The following ECM2 variants were observed in gnomAD, a reference collection of about 807,000 sequenced individuals.
The protein encoded by ECM2 is extracellular matrix protein 2, also known as extracellular matrix protein 2, female organ and adipocyte specific.
Under a neutral mutation model 67.5 loss-of-function variants are expected in ECM2, and 57 were observed. That is an observed-to-expected ratio of 0.84 (90% CI 0.68 to 1.05). The LOEUF is 1.05. ECM2 is among the 50% of genes least tolerant of loss of function. The probability of loss-of-function intolerance (pLI) is 0.00; values close to 1 mark genes in which losing one functional copy is unlikely to be tolerated. For synonymous variants in ECM2, 258 were observed against 294.5 expected (o/e 0.88, Z 1.27); for missense variants, 741 against 822.8 (o/e 0.90, Z 1.22).
At chr9:92,514,186 T>A (rs1847536230) in intron 4 of ECM2, among the ~76,000 whole-genome samples, 1 of 150,740 alleles carries the variant, frequency 6.6e-6, no homozygotes, top group East Asian at 2.0e-4. Flanking sequence ...AGTCTGAAAC[T>A]ACTGGGCTGA....
intron 3 of ECM2, among the ~76,000 whole-genome samples, chr9:92,516,497 A>T (rs183562152): frequency 7.3e-4 from 111 of 152,378 alleles, no homozygotes; most frequent in African/African-American, 2.6e-3. Context: ...TACTTGAGAT[A>T]TCAATTCAGT....
chr9:92,530,935 G>A (rs1848711900), intron 1 of ECM2, among the ~76,000 whole-genome samples: 1 of 151,996 alleles, frequency 6.6e-6, no homozygotes, highest in South Asian at 2.1e-4. Flanking sequence ...GAGAACATGT[G>A]GTCTTTGGTT....
chr9:92,511,881 G>T (rs896701733), intron 5 of ECM2, 130 bp downstream of exon 5: 3 of 612,474 alleles, frequency 4.9e-6, no homozygotes, highest in Non-Finnish European at 5.6e-6. Context: ...AGGGACATCA[G>T]AGAGGAAACT....
intron 7 of ECM2, among the ~76,000 whole-genome samples, chr9:92,504,426 A>C (rs898841907): frequency 7.2e-5 from 11 of 152,164 alleles, no homozygotes; most frequent in Non-Finnish European, 1.6e-4. Context: ...TTCTGGCTGG[A>C]TGATCATGTG....
chr9:92,498,720 A>G (rs1846500786), intron 9 of ECM2, among the ~76,000 whole-genome samples: 1 of 152,148 alleles, frequency 6.6e-6, no homozygotes, highest in African/African-American at 2.4e-5. Context: ...GCTACCAAAA[A>G]ATAATAAACT....
chr9:92,497,333 G>C (rs936759460), intron 9 of ECM2, among the ~76,000 whole-genome samples: 5 of 150,600 alleles, frequency 3.3e-5, no homozygotes, highest in African/African-American at 1.2e-4. Context: ...CTTTTAAAAA[G>C]TAAAGGGTAG....
intron 4 of ECM2, among the ~76,000 whole-genome samples, chr9:92,512,480 T>C (rs1289592057): frequency 6.6e-6 from 1 of 152,218 alleles, no homozygotes; most frequent in African/African-American, 2.4e-5. Context: ...AACTGATTTT[T>C]ATTCTTCATA....
At chr9:92,523,922 A>G (rs11791805) in intron 1 of ECM2, among the ~76,000 whole-genome samples, 17,302 of 152,220 alleles carry the variant, frequency 0.11, 1,077 homozygotes, top group Middle Eastern at 0.15. Flanking sequence ...TTTTATGGCC[A>G]GTTTATGCAG....
chr9:92,505,726 T>C (rs1309076521), intron 6 of ECM2, 36 bp from the exon 7 acceptor site: 1 of 1,495,280 alleles, frequency 6.7e-7, no homozygotes, highest in Non-Finnish European at 9.0e-7. Context: ...ATTAGGATAA[T>C]TGAAAAACCA....
chr9:92,543,409 T>C, the ECM2 span, among the ~76,000 whole-genome samples: 1 of 140,496 alleles, frequency 7.1e-6, no homozygotes, highest in South Asian at 2.2e-4. Context: ...GAGGTGGAGG[T>C]TGCAGTGAGC....
At chr9:92,535,590 T>C (rs920755829) in intron 1 of ECM2, among the ~76,000 whole-genome samples, 7 of 152,152 alleles carry the variant, frequency 4.6e-5, no homozygotes, top group African/African-American at 1.7e-4. Flanking sequence ...CTATTATCTA[T>C]TTTCACTTCA....
chr9:92,501,861 C>T (rs555751439), intron 8 of ECM2, among the ~76,000 whole-genome samples: 2 of 152,236 alleles, frequency 1.3e-5, no homozygotes, highest in Non-Finnish European at 2.9e-5. Context: ...TTCTGACTCC[C>T]TCCCCCTTCA....
chr9:92,551,963 TGTGTG>T, the ECM2 span, among the ~76,000 whole-genome samples: 8 of 111,540 alleles, frequency 7.2e-5, no homozygotes, highest in Non-Finnish European at 1.4e-4. Context: ...GATATATATA[TGTGTG>T]ATATATATGT....
downstream of ECM2, chr9:92,493,933 C>G (rs1846240425): frequency 5.1e-6 from 3 of 583,136 alleles, no homozygotes; most frequent in Middle Eastern, 4.2e-4. Context: ...AGGCACCGGT[C>G]TGGATCTGCT....
At chr9:92,496,604 A>G in intron 9 of ECM2, 121 bp from the exon 10 acceptor site, 1 of 1,243,542 alleles carries the variant, frequency 8.0e-7, no homozygotes, top group Non-Finnish European at 1.1e-6. Flanking sequence ...CTTATAGACC[A>G]GAATAAATTC....
upstream of ECM2, among the ~76,000 whole-genome samples, chr9:92,536,309 C>A (rs563230405): frequency 2.0e-5 from 3 of 152,092 alleles, no homozygotes; most frequent in African/African-American, 7.2e-5. Flanking sequence ...ATAGACTATT[C>A]GCATTAAAAA....
chr9:92,531,061 G>GT (rs1848718146), intron 1 of ECM2, among the ~76,000 whole-genome samples: 1 of 152,078 alleles, frequency 6.6e-6, no homozygotes. Flanking sequence ...ATATTGTGGA[G>GT]TTTTTTAATG....
At chr9:92,552,606 C>T in the ECM2 span, among the ~76,000 whole-genome samples, 7 of 152,054 alleles carry the variant, frequency 4.6e-5, no homozygotes, top group South Asian at 2.1e-4. Context: ...TGATGTTGAG[C>T]GTTTTTTCAT....
the ECM2 span, among the ~76,000 whole-genome samples, chr9:92,553,882 C>G: frequency 6.6e-6 from 1 of 152,142 alleles, no homozygotes; most frequent in South Asian, 2.1e-4. Flanking sequence ...TTGACTTTCT[C>G]TTTACTGATT....
Sources: allele counts gnomAD v4.1 joint callset (sites outside exome capture counted in the v4.1 genomes callset), GRCh38; gene constraint gnomAD v4.1.1; transcripts MANE v1.5; gene names NCBI Gene and HGNC (gene_info 2026-07-23, HGNC 2026-07-21).